Variants in PCSK5 observed in about 807,000 individuals in gnomAD.
PCSK5 encodes proprotein convertase subtilisin/kexin type 5.
A neutral mutation model predicts 233.2 loss-of-function variants in PCSK5; 129 were observed. The observed-to-expected ratio is 0.55, with a 90% CI of 0.48 to 0.64. The LOEUF (loss-of-function observed/expected upper bound fraction) is 0.64, where lower values mean the gene tolerates loss of function less well. Ranked by LOEUF, PCSK5 falls within the 30% of genes least tolerant of loss-of-function variation. The pLI, the probability that PCSK5 is intolerant of heterozygous loss-of-function variation, is 0.00. For missense variants in PCSK5, 2,076 were observed against 2,430.1 expected (o/e 0.85, Z 3.06); for synonymous variants, 825 against 879.2 (o/e 0.94, Z 1.09).
chr9:76,036,999 A>G (rs529957336), intron 5 of PCSK5, among the ~76,000 whole-genome samples: 1 of 152,356 alleles, frequency 6.6e-6, no homozygotes, highest in East Asian at 1.9e-4. Flanking sequence ...GTTGGTCTGC[A>G]TAGTTTGCTA....
chr9:76,084,147 A>G (rs2131626287), intron 7 of PCSK5, among the ~76,000 whole-genome samples: 1 of 152,370 alleles, frequency 6.6e-6, no homozygotes, highest in East Asian at 1.9e-4. Flanking sequence ...TAACAAAGCT[A>G]AGACTTGGTT....
chr9:76,328,192 C>A lies in PCSK5; in HGVS notation c.4523C>A (p.Pro1508Gln). 1 of 1,612,780 alleles carries A rather than the reference C, an allele frequency of 6.2e-7. No homozygotes were observed. Among genetic ancestry groups the A allele is most frequent in the Non-Finnish European group, 8.5e-7 (1 of 1,179,828 alleles). Residue 1508 changes from proline to glutamine, a missense_variant, in exon 33 of 38, where the codon CCG becomes CAG. Coordinates refer to ENST00000674117, the MANE Select transcript of PCSK5 (RefSeq NM_001372043.1). ...CHVKCFHCMG[P>Q]AEDQCQTCPM... ...GTTAAGTGCTTCCACTGCATGGGGC[C>A]GGCGGAGGACCAGTGTCAAACATGC...
chr9:76,346,716 C>T (rs1380861944), intron 35 of PCSK5, among the ~76,000 whole-genome samples: 2 of 152,046 alleles, frequency 1.3e-5, no homozygotes, highest in Non-Finnish European at 2.9e-5. Context: ...AATCTGGAGA[C>T]AGGTTTTTCT....
At chr9:75,988,730 A>G (rs1826633937) in intron 3 of PCSK5, among the ~76,000 whole-genome samples, 2 of 151,938 alleles carry the variant, frequency 1.3e-5, no homozygotes, top group Admixed American at 1.3e-4. Context: ...ATATTTTTCT[A>G]ATGCAGCTGG....
At chr9:76,347,290 G>A (rs1830004616) in intron 35 of PCSK5, among the ~76,000 whole-genome samples, 1 of 152,046 alleles carries the variant, frequency 6.6e-6, no homozygotes, top group African/African-American at 2.4e-5. Flanking sequence ...AGAGCAGATG[G>A]TGAACTGCTC....
At chr9:76,297,235 C>T (rs966914195) in intron 27 of PCSK5, among the ~76,000 whole-genome samples, 1 of 152,202 alleles carries the variant, frequency 6.6e-6, no homozygotes, top group South Asian at 2.1e-4. Flanking sequence ...GCATGTCCTA[C>T]GTCCTTATTA....
At chr9:76,017,075 T>C (rs552850308) in intron 3 of PCSK5, among the ~76,000 whole-genome samples, 2 of 152,308 alleles carry the variant, frequency 1.3e-5, no homozygotes, top group South Asian at 4.1e-4. Flanking sequence ...AGAGTTGGAA[T>C]AGTGGTATAA....
intron 20 of PCSK5, chr9:76,195,722 A>G (rs1824667224): frequency 6.6e-6 from 1 of 152,152 alleles, no homozygotes; most frequent in Admixed American, 6.5e-5. Flanking sequence ...TCAATTAGTG[A>G]CCCATTGTTA....
At chr9:76,091,869 C>T (rs1208554122) in intron 7 of PCSK5, among the ~76,000 whole-genome samples, 3 of 152,232 alleles carry the variant, frequency 2.0e-5, no homozygotes, top group East Asian at 1.9e-4. Flanking sequence ...TTACCATGCT[C>T]GGTTATAAAA....
At chr9:76,340,809 A>T (rs1337191755) in intron 35 of PCSK5, among the ~76,000 whole-genome samples, 1 of 151,952 alleles carries the variant, frequency 6.6e-6, no homozygotes, top group Non-Finnish European at 1.5e-5. Context: ...TACTAGGTTA[A>T]TTCTTCAGCA....
chr9:75,901,674 A>C (rs998775814), intron 1 of PCSK5, among the ~76,000 whole-genome samples: 40 of 151,994 alleles, frequency 2.6e-4, no homozygotes, highest in Non-Finnish European at 4.9e-4. Flanking sequence ...AAGTTGGAGC[A>C]GCGGGAACTG....
At chr9:75,907,639 C>T (rs918122910) in intron 1 of PCSK5, among the ~76,000 whole-genome samples, 5 of 152,094 alleles carry the variant, frequency 3.3e-5, no homozygotes, top group African/African-American at 9.7e-5. Context: ...CCAGATTATC[C>T]TAGGACTATT....
intron 5 of PCSK5, among the ~76,000 whole-genome samples, chr9:76,042,227 C>G (rs1404694369): frequency 2.0e-5 from 3 of 152,200 alleles, no homozygotes; most frequent in Admixed American, 2.0e-4. Flanking sequence ...GATAAAAAAC[C>G]TAAAACAAGT....
chr9:76,335,629 C>T (rs1451709726), intron 34 of PCSK5, among the ~76,000 whole-genome samples: 2 of 152,104 alleles, frequency 1.3e-5, no homozygotes, highest in Admixed American at 6.6e-5. Context: ...TAATCTGTTC[C>T]AATAAACTCT....
chr9:75,963,893 T>TA (rs202238261), intron 2 of PCSK5, among the ~76,000 whole-genome samples: 4,463 of 150,834 alleles, frequency 0.03, 139 homozygotes, highest in African/African-American at 0.07. Flanking sequence ...AAATAAAAAT[T>TA]AAAAAAAAAA....
chr9:76,093,797 G>C (rs1294448476), intron 7 of PCSK5, among the ~76,000 whole-genome samples: 1 of 152,088 alleles, frequency 6.6e-6, no homozygotes, highest in Non-Finnish European at 1.5e-5. Context: ...TTGATGATGA[G>C]TTGGAACATT....
At chr9:75,948,713 C>G (rs1338659599) in intron 2 of PCSK5, among the ~76,000 whole-genome samples, 2 of 152,210 alleles carry the variant, frequency 1.3e-5, no homozygotes, top group Admixed American at 6.5e-5. Flanking sequence ...ATTTCTAGTT[C>G]TAGATCCTTG....
At chr9:76,338,477 T>G in intron 35 of PCSK5, 30 bp downstream of exon 35, 1 of 1,489,238 alleles carries the variant, frequency 6.7e-7, no homozygotes, top group Non-Finnish European at 9.3e-7. Context: ...TTTGCATGAG[T>G]GCGTAGAAAA....
intron 35 of PCSK5, among the ~76,000 whole-genome samples, chr9:76,344,786 G>A (rs1345290101): frequency 6.6e-6 from 1 of 152,166 alleles, no homozygotes; most frequent in Non-Finnish European, 1.5e-5. Context: ...GCCCACTAGT[G>A]TTGTGCAGTG....
Sources: allele counts gnomAD v4.1 joint callset (sites outside exome capture counted in the v4.1 genomes callset), GRCh38; gene constraint gnomAD v4.1.1; transcripts MANE v1.5; gene names NCBI Gene and HGNC (gene_info 2026-07-23, HGNC 2026-07-21).